Variants in KIF7 observed in about 807,000 individuals in gnomAD.
The protein encoded by KIF7 is kinesin-like protein KIF7.
A neutral mutation model predicts 135.7 loss-of-function variants in KIF7; 104 were observed. The observed-to-expected ratio is 0.77, with a 90% CI of 0.65 to 0.90. KIF7 has a LOEUF of 0.90. KIF7 is among the 40% of genes least tolerant of loss of function. The pLI, the probability that KIF7 is intolerant of heterozygous loss-of-function variation, is 0.00. For missense variants in KIF7, 2,005 were observed against 1,839.1 expected (o/e 1.09, Z -1.65); for synonymous variants, 883 against 809.4 (o/e 1.09, Z -1.54).
In KIF7 at chr15:89,621,241, G is replaced by C. The variant is rs145002212; in HGVS notation, c.181-3046C>G. 1,459 of 619,496 alleles carry C rather than the reference G, an allele frequency of 2.4e-3. 14 individuals carry two copies. The African/African-American group carries it at 0.026, about 11-fold the overall frequency. 38.4% of individuals were successfully genotyped at this position (619,496 alleles called of 1,614,324 possible). Reference sequence around the variant, plus strand: ...TCGCTATGTTGGCCAGGCTGGTCTCGAACTCCTGACCTCAGACCATCCACC... The same window carrying C: ...TCGCTATGTTGGCCAGGCTGGTCTCCAACTCCTGACCTCAGACCATCCACC... On this transcript the variant is annotated intron_variant and NMD_transcript_variant, in intron 1 of 2. Transcript: ENST00000558928.
At chr15:89,619,907 A>T in intron 1 of KIF7, 1 of 1,533,452 alleles carries the variant, frequency 6.5e-7, no homozygotes, top group African/African-American at 1.4e-5. Context: ...TTTTTGGGAA[A>T]AGAAGCAAGA....
chr15:89,625,710 T>A, downstream of KIF7: 2 of 1,612,878 alleles, frequency 1.2e-6, no homozygotes, highest in South Asian at 2.2e-5. Flanking sequence ...CAGAAGTTAG[T>A]AAGAGTAAAG....
downstream of KIF7, chr15:89,624,737 G>C (rs1963485396): frequency 6.2e-7 from 1 of 1,614,082 alleles, no homozygotes; most frequent in Non-Finnish European, 8.5e-7. Context: ...CATGGCATTG[G>C]TGACTTGAAA....
At chr15:89,624,970 G>C, downstream of KIF7, 1 of 1,614,066 alleles carries the variant, frequency 6.2e-7, no homozygotes, top group Non-Finnish European at 8.5e-7. Context: ...CACAGACTCT[G>C]CCAGCCCACA....
At position 89,645,032 on chromosome 15, in the gene KIF7, A is replaced by G. The variant is rs1963986143; in HGVS notation, c.2172T>C (p.Ile724=). The G allele has an allele frequency of 6.2e-7, 1 of 1,608,094 alleles. No homozygotes were observed. The change falls in exon 10 of 19, where the codon ATT becomes ATC. Residue 724 remains isoleucine (I), a synonymous_variant. Coordinates refer to ENST00000394412, the MANE Select transcript of KIF7 (RefSeq NM_198525.3). ...AINIRMKEEL[I]GELVRTGKAA... ...CCTCACCTGTGCGGACCAGCTCGCC[A>G]ATAAGCTCCTCCTTCATGCGGATGT...
rs1320369099 is a variant in KIF7, at chr15:89,629,571, C to T, written c.3321G>A (p.Val1107=). The T allele has an allele frequency of 1.2e-6, 2 of 1,605,192 alleles. No individual in the cohort carries two copies. The highest frequency in any genetic ancestry group is 1.7e-6 in the Non-Finnish European group (2 of 1,179,974). The change falls in exon 17 of 19, where the codon GTG becomes GTA. Residue 1107 remains valine (V), a splice_region_variant and synonymous_variant. Coordinates refer to ENST00000394412, the MANE Select transcript of KIF7 (RefSeq NM_198525.3). The part of the protein sequence containing the change: ...RALLCKYFDK[V]VTLREEQHQQ... ...GGTGCTGCTCCTCTCGGAGCGTCAC[C>T]ACCTGTCCCAAGACCCAGCCAGGCT...
At position 89,629,488 on chromosome 15, in the gene KIF7, A is replaced by G; in HGVS notation, c.3404T>C (p.Val1135Ala). 1.2e-6 allele frequency: 2 copies of G among 1,610,092 alleles called. No homozygotes were observed. The highest frequency in any genetic ancestry group is 1.7e-6 in the Non-Finnish European group (2 of 1,179,886). The stretch of plus-strand genomic sequence containing the variant: ...CTCCAGGGCCACCTCCAGCCAGTAC[A>G]CCAGCCTCTGCTGCTCCTCCAGCTG... ...EMQLEEQQRL[V>A]YWLEVALERQ... is the part of the protein sequence containing the mutation. Residue 1135 changes from valine (V) to alanine (A), a missense_variant, in exon 17 of 19, where the codon GTG becomes GCG. Physicochemically the swap from Val to Ala is moderately conservative, Grantham distance 64. Transcript: ENST00000394412.
In KIF7 at chr15:89,652,935, AGGGAGGACTGCTCTG is replaced by A. The variant is rs1567069860; in HGVS notation, c.-20_-6del. On this transcript the variant is annotated 5_prime_UTR_variant, in exon 2 of 19. Coordinates refer to ENST00000394412, the MANE Select transcript of KIF7 (RefSeq NM_198525.3). ...CCTCTGAGCCTCCAGCCCCATGCCG[AGGGAGGACTGCTCTG>A]GGCCCTGTGGAGAGAGAGAGAAGCC... is the stretch of plus-strand genomic sequence containing the variant. 3 of 1,507,246 alleles carry A rather than the reference AGGGAGGACTGCTCTG, an allele frequency of 2.0e-6. No individual in the cohort carries two copies. The Admixed American group carries it at 6.0e-5, about 30-fold the overall frequency. 93.4% of individuals were successfully genotyped at this position (1,507,246 alleles called of 1,614,324 possible). A position where few individuals can be genotyped will look rare whatever the true frequency, so the allele number is the denominator to read the frequency against.
upstream of KIF7, among the ~76,000 whole-genome samples, chr15:89,656,441 G>A (rs1354901734): frequency 6.6e-6 from 1 of 151,854 alleles, no homozygotes; most frequent in Non-Finnish European, 1.5e-5. Flanking sequence ...ATGCCCTTTG[G>A]ATCAAGAGCA....
At chr15:89,645,671 A>G (rs1293803043) in intron 8 of KIF7, among the ~76,000 whole-genome samples, 6 of 152,134 alleles carry the variant, frequency 3.9e-5, no homozygotes, top group Admixed American at 2.6e-4. Context: ...GGCTGAAGTC[A>G]GGAGGCCTGG....
rs1964063066 is a variant in KIF7, at chr15:89,648,591, C to T, written c.1107G>A (p.Ala369=). Residue 369 remains alanine, a synonymous_variant, in exon 5 of 19, where the codon GCG becomes GCA. Transcript: ENST00000394412. ...GCCGTGGCGGACCCCGCGCGCCGCT[C>T]GCCGTCTCTTCGGGTGGCCGCTCGG... ...PEAERPPEET[A]SGARGPPRHR... is the part of the protein sequence containing the mutation. 6.6e-7 allele frequency: 1 copy of T among 1,524,554 alleles called. No homozygotes were observed. The highest frequency in any genetic ancestry group is 8.8e-7 in the Non-Finnish European group (1 of 1,140,016). The allele number at this position is 1,524,554 out of a possible 1,614,324, so 94.4% of individuals were successfully genotyped here.
chr15:89,628,503 C>T lies in KIF7; in HGVS notation c.3948G>A (p.Trp1316Ter). 6.2e-7 allele frequency: 1 copy of T among 1,612,872 alleles called. No homozygotes were observed. Among genetic ancestry groups the T allele is most frequent in the South Asian group, 1.1e-5 (1 of 91,056 alleles). Reference sequence around the variant, plus strand: ...GGGGCTTGGACAAAGGCCCAAAGTTCCAGGGCAGGCCTGCCTCACCCACAG... The same window carrying T: ...GGGGCTTGGACAAAGGCCCAAAGTTTCAGGGCAGGCCTGCCTCACCCACAG... Reference protein sequence around the residue: ...VLPVGEAGLPWNFGPLSKPRR... With the variant: ...VLPVGEAGLP Residue 1316 changes from tryptophan (W) to a stop codon, truncating the protein, a stop_gained, in exon 19 of 19, where the codon TGG becomes TGA. Transcript: ENST00000394412. LOFTEE classifies it high-confidence loss of function.
At chr15:89,641,965 T>C (rs1963928801) in intron 11 of KIF7, among the ~76,000 whole-genome samples, 1 of 152,054 alleles carries the variant, frequency 6.6e-6, no homozygotes, top group Non-Finnish European at 1.5e-5. Flanking sequence ...CGCCCACCCT[T>C]CACCCTCTCG....
rs143320116 is a variant in KIF7 at position 89,618,831 on chromosome 15, C to T, written c.181-636G>A. 7.0e-3 allele frequency among the ~76,000 whole-genome samples: 1,072 copies of T among 152,320 alleles called. 10 individuals carry two copies. The highest frequency in any genetic ancestry group is 0.025 in the African/African-American group (1,028 of 41,576). On this transcript the variant is annotated intron_variant and NMD_transcript_variant, in intron 1 of 2. Coordinates refer to the KIF7 transcript ENST00000558928. ...AAAATCAGCTGGTCATGTTGGCATA[C>T]TCCTATGGTCCCAGCTACTCGGGAG... is the stretch of plus-strand genomic sequence containing the variant.
intron 6 of KIF7, 72 bp from the exon 7 acceptor site, chr15:89,647,129 C>G: frequency 7.5e-7 from 1 of 1,341,176 alleles, no homozygotes; most frequent in South Asian, 1.2e-5. Flanking sequence ...AACTGAGGAA[C>G]AGGTCTGAGG....
chr15:89,648,710 AG>A lies in KIF7; in HGVS notation c.987del (p.Ser330ProfsTer125). 1 of 1,536,092 alleles carries A rather than the reference AG, an allele frequency of 6.5e-7. No individual in the cohort carries two copies. The highest frequency in any genetic ancestry group is 1.2e-5 in the South Asian group (1 of 84,052). The stretch of plus-strand genomic sequence containing the variant: ...TTGAGGGTCTCGTCGAAGTCGGAGG[AG>A]GAAGGGCTGACGCAGGCGATCATCA... The part of the protein sequence containing the change: ...KTVMIACVSP[S>X]SSDFDETLNT... On this transcript the variant is annotated frameshift_variant, in exon 5 of 19. Transcript: ENST00000394412. LOFTEE classifies it high-confidence loss of function.
At chr15:89,627,480 C>T (rs201707513), downstream of KIF7, 41 of 205,842 alleles carry the variant, frequency 2.0e-4, no homozygotes, top group East Asian at 2.4e-3. Context: ...TGGGCTGCTG[C>T]GACACAGGCA....
At chr15:89,656,359 C>CTTTTTTT (rs112951627), upstream of KIF7, among the ~76,000 whole-genome samples, 1,749 of 142,612 alleles carry the variant, frequency 0.012, 44 homozygotes, top group African/African-American at 0.042. Context: ...CTTTTTAACT[C>CTTTTTTT]TTTTTTTTTT....
chr15:89,631,841 G>T, intron 14 of KIF7, 131 bp from the exon 15 acceptor site: 1 of 782,724 alleles, frequency 1.3e-6, no homozygotes, highest in Non-Finnish European at 2.0e-6. Flanking sequence ...GTTCTGCTCA[G>T]CAGGGAGACC....
Sources: allele counts gnomAD v4.1 joint callset (sites outside exome capture counted in the v4.1 genomes callset), GRCh38; gene constraint gnomAD v4.1.1; transcripts MANE v1.5; gene names NCBI Gene and HGNC (gene_info 2026-07-23, HGNC 2026-07-21).